The following C3orf70 variants were observed in gnomAD, a reference collection of about 807,000 sequenced individuals.
C3orf70 encodes the protein UPF0524 protein C3orf70.
Under a neutral mutation model 20.7 loss-of-function variants are expected in C3orf70, and 15 were observed. The ratio of observed to expected loss-of-function variants is 0.72; its 90% CI spans 0.48 to 1.11. C3orf70 has a LOEUF of 1.11. C3orf70 is among the 50% of genes most tolerant of loss of function. C3orf70 has a pLI of 0.00. For synonymous variants in C3orf70, 161 were observed against 125.7 expected (o/e 1.28, Z -1.88); for missense variants, 332 against 317.6 (o/e 1.05, Z -0.34).
intron 1 of C3orf70, among the ~76,000 whole-genome samples, chr3:185,089,197 AT>A (rs138114418): frequency 0.024 from 3,567 of 147,882 alleles, 140 homozygotes; most frequent in African/African-American, 0.083. Context: ...TTTTTTCCTC[AT>A]TTTTTTTTTC....
rs544965287 is a variant in C3orf70, at chr3:185,077,134, T to TG, written c.*5872dup. On this transcript the variant is annotated 3_prime_UTR_variant, in exon 2 of 2. Coordinates refer to ENST00000335012, the MANE Select transcript of C3orf70 (RefSeq NM_001025266.3). ...CAGAGACATGGTATAGGGTGCGGGG[T>TG]GGGGGGGCACTGTATGGAGGACAGA... Among the ~76,000 whole-genome samples the TG allele has an allele frequency of 4.2e-4, 63 of 148,774 alleles. No individual in the cohort carries two copies. In the South Asian group the frequency reaches 7.0e-3, roughly 17 times the overall value.
intron 1 of C3orf70, among the ~76,000 whole-genome samples, chr3:185,110,625 G>A (rs1716052166): frequency 6.6e-6 from 1 of 152,156 alleles, no homozygotes; most frequent in African/African-American, 2.4e-5. Flanking sequence ...TGACATGTTT[G>A]TGATGGCCAT....
chr3:185,112,831 T>C (rs189285041), intron 1 of C3orf70, among the ~76,000 whole-genome samples: 281 of 152,338 alleles, frequency 1.8e-3, no homozygotes, highest in African/African-American at 6.5e-3. Flanking sequence ...TTTTTCACTA[T>C]ATCCCTGGAC....
At chr3:185,135,016 C>T (rs13090531) in intron 1 of C3orf70, among the ~76,000 whole-genome samples, 10,630 of 152,042 alleles carry the variant, frequency 0.07, 434 homozygotes, top group South Asian at 0.11. Flanking sequence ...AATGGTATCC[C>T]AAAAAAGCCA....
chr3:185,146,166 C>T (rs1716871011), intron 1 of C3orf70, among the ~76,000 whole-genome samples: 1 of 152,020 alleles, frequency 6.6e-6, no homozygotes. Context: ...TATCAGCGTT[C>T]TCTATCTCTG....
chr3:185,099,112 T>C (rs1715769939), intron 1 of C3orf70, among the ~76,000 whole-genome samples: 1 of 152,202 alleles, frequency 6.6e-6, no homozygotes, highest in Non-Finnish European at 1.5e-5. Flanking sequence ...CAATTTTAAT[T>C]TTAAGACATG....
In C3orf70 at chr3:185,126,245, A is replaced by G. The variant is rs1716407600; in HGVS notation, c.196+26383T>C. Among the ~76,000 whole-genome samples, 5 of 152,182 alleles carry G rather than the reference A, an allele frequency of 3.3e-5. No homozygotes were observed. In the South Asian group the frequency reaches 1.0e-3, roughly 32 times the overall value. On this transcript the variant is annotated intron_variant, in intron 1 of 1. Coordinates refer to ENST00000335012, the MANE Select transcript of C3orf70 (RefSeq NM_001025266.3). ...GGTCTCTTGAATTTAACAAGTATCA[A>G]ACGATATAGTGTCTAAGTTCAGGCT...
At chr3:185,083,590 A>C (rs1561324204) in intron 1 of C3orf70, 27 bp from the exon 2 acceptor site, 1 of 1,531,716 alleles carries the variant, frequency 6.5e-7, no homozygotes, top group Admixed American at 2.0e-5. Flanking sequence ...AGACACTTGA[A>C]ATCTATATTA....
At chr3:185,097,282 T>A (rs1197930842) in intron 1 of C3orf70, among the ~76,000 whole-genome samples, 1 of 152,226 alleles carries the variant, frequency 6.6e-6, no homozygotes, top group African/African-American at 2.4e-5. Context: ...TAGATGTTTA[T>A]AACTGGACAT....
Position 185,133,527 on chromosome 3 carries a change from G to T in C3orf70, c.196+19101C>A, listed in dbSNP as rs540258095. On this transcript the variant is annotated intron_variant, in intron 1 of 1. Coordinates refer to ENST00000335012, the MANE Select transcript of C3orf70 (RefSeq NM_001025266.3). ...GGAGGCCGAGGCAGGCGGATCACCT[G>T]AGGTCAGGAGTTTGAGACCAGCCTG... is the stretch of plus-strand genomic sequence containing the variant. Among the ~76,000 whole-genome samples the T allele has an allele frequency of 3.3e-5, 5 of 152,234 alleles. No individual in the cohort carries two copies. In the South Asian group the frequency reaches 1.0e-3, roughly 32 times the overall value.
intron 1 of C3orf70, among the ~76,000 whole-genome samples, chr3:185,130,247 G>A (rs998690249): frequency 6.6e-6 from 1 of 152,058 alleles, no homozygotes; most frequent in Non-Finnish European, 1.5e-5. Flanking sequence ...TCAGGAGTTC[G>A]AGACCATCCT....
At chr3:185,123,128 A>G (rs1961572) in intron 1 of C3orf70, among the ~76,000 whole-genome samples, 139,422 of 148,626 alleles carry the variant, frequency 0.94, 65,439 homozygotes, top group Non-Finnish European at 0.95. Flanking sequence ...GCAGTGAGCC[A>G]AGATCGCGCC....
intron 1 of C3orf70, among the ~76,000 whole-genome samples, chr3:185,104,074 G>A (rs2108593458): frequency 6.6e-6 from 1 of 152,306 alleles, no homozygotes; most frequent in South Asian, 2.1e-4. Context: ...GAGATGACAG[G>A]AGTTTCTTAT....
chr3:185,084,635 T>A (rs887318600), intron 1 of C3orf70, among the ~76,000 whole-genome samples: 8 of 152,064 alleles, frequency 5.3e-5, no homozygotes, highest in Non-Finnish European at 1.5e-5. Flanking sequence ...CACAAGCTTA[T>A]CTCCAAGCCT....
At chr3:185,106,140 C>CT (rs1715934350) in intron 1 of C3orf70, among the ~76,000 whole-genome samples, 1 of 152,100 alleles carries the variant, frequency 6.6e-6, no homozygotes, top group Non-Finnish European at 1.5e-5. Context: ...AGCAACCGCT[C>CT]TAAGTTTTAT....
rs1577315362 is a variant in C3orf70 at position 185,082,311 on chromosome 3, G to A, written c.*696C>T. 2 of 152,470 alleles carry A rather than the reference G, an allele frequency of 1.3e-5. No individual in the cohort carries two copies. Among genetic ancestry groups the A allele is most frequent in the East Asian group, 3.9e-4 (2 of 5,172 alleles). 9.4% of individuals were successfully genotyped at this position (152,470 alleles called of 1,614,324 possible). On this transcript the variant is annotated 3_prime_UTR_variant, in exon 2 of 2. Transcript: ENST00000335012. ...TGCTGTGTCCCCACAGCCCCCTGCA[G>A]GGGACAGGTGCTCAGCTAAGGCTGG...
intron 1 of C3orf70, among the ~76,000 whole-genome samples, chr3:185,122,082 G>C (rs1201327929): frequency 1.4e-5 from 2 of 142,920 alleles, no homozygotes; most frequent in South Asian, 2.2e-4. Context: ...CTGGGTGACA[G>C]AGCGAGACTC....
At position 185,101,408 on chromosome 3, in the gene C3orf70, C is replaced by G. The variant is rs181178396; in HGVS notation, c.197-17845G>C. ...ACACAAATCAAAAAATATGATTCAT[C>G]ACATAACTAAAGACAACCACACAAT... On this transcript the variant is annotated intron_variant, in intron 1 of 1. Transcript: ENST00000335012. Among the ~76,000 whole-genome samples the G allele has an allele frequency of 4.5e-3, 669 of 149,590 alleles. 7 individuals carry two copies. Among genetic ancestry groups the G allele is most frequent in the Middle Eastern group, 0.017 (5 of 292 alleles).
At chr3:185,099,663 T>C (rs1001254801) in intron 1 of C3orf70, among the ~76,000 whole-genome samples, 2 of 137,594 alleles carry the variant, frequency 1.5e-5, no homozygotes, top group Non-Finnish European at 2.9e-5. Flanking sequence ...TAAACAAGTC[T>C]AAAATAACCA....
Sources: allele counts gnomAD v4.1 joint callset (sites outside exome capture counted in the v4.1 genomes callset), GRCh38; gene constraint gnomAD v4.1.1; transcripts MANE v1.5; gene names NCBI Gene and HGNC (gene_info 2026-07-23, HGNC 2026-07-21).